GABRB2: variants seen among roughly 807,000 people sequenced by gnomAD.
GABRB2 encodes the protein gamma-aminobutyric acid receptor subunit beta-2.
In GABRB2, 16 loss-of-function variants were observed where a neutral mutation model predicts 54.7. That is an observed-to-expected ratio of 0.29 (90% CI 0.20 to 0.44). The LOEUF (loss-of-function observed/expected upper bound fraction) is 0.44, where lower values mean the gene tolerates loss of function less well. Ranked by LOEUF, GABRB2 falls within the 20% of genes least tolerant of loss-of-function variation. The pLI is 1.00. For missense variants in GABRB2, 355 were observed against 644.0 expected (o/e 0.55, Z 4.86); for synonymous variants, 244 against 233.8 (o/e 1.04, Z -0.40).
chr5:161,424,390 A>T (rs1217535646), intron 4 of GABRB2, among the ~76,000 whole-genome samples: 3 of 152,128 alleles, frequency 2.0e-5, no homozygotes, highest in African/African-American at 7.2e-5. Flanking sequence ...TTGTTAATGC[A>T]GGTGGTGACT....
intron 5 of GABRB2, among the ~76,000 whole-genome samples, chr5:161,410,671 A>G (rs1025659128): frequency 1.3e-5 from 2 of 152,174 alleles, no homozygotes; most frequent in Non-Finnish European, 1.5e-5. Context: ...GTTTGCACCA[A>G]TTCCATATTT....
intron 3 of GABRB2, among the ~76,000 whole-genome samples, chr5:161,463,143 A>G (rs1457066262): frequency 1.3e-5 from 2 of 152,048 alleles, no homozygotes; most frequent in African/African-American, 4.8e-5. Flanking sequence ...TTCTTCCACG[A>G]ATTACAACTA....
At chr5:161,518,984 C>T (rs1285176581) in intron 3 of GABRB2, among the ~76,000 whole-genome samples, 1 of 152,138 alleles carries the variant, frequency 6.6e-6, no homozygotes, top group African/African-American at 2.4e-5. Context: ...CTCACAACGA[C>T]CACCTTTTGA....
chr5:161,395,535 T>A (rs1188197252), intron 5 of GABRB2, among the ~76,000 whole-genome samples: 1 of 152,156 alleles, frequency 6.6e-6, no homozygotes, highest in Non-Finnish European at 1.5e-5. Flanking sequence ...AAGGCAGACA[T>A]TTATTATGAA....
chr5:161,505,121 T>TTTG (rs1554104972), intron 3 of GABRB2, among the ~76,000 whole-genome samples: 2 of 151,488 alleles, frequency 1.3e-5, no homozygotes, highest in Non-Finnish European at 2.9e-5. Context: ...TTTTTTTTTT[T>TTTG]TTTGTTTGTT....
intron 9 of GABRB2, among the ~76,000 whole-genome samples, chr5:161,309,529 T>C (rs1757796795): frequency 6.6e-6 from 1 of 152,152 alleles, no homozygotes; most frequent in Non-Finnish European, 1.5e-5. Context: ...ATGAGTGTAA[T>C]TTTTTATATT....
intron 9 of GABRB2, among the ~76,000 whole-genome samples, chr5:161,300,157 A>G (rs1218972872): frequency 6.6e-6 from 1 of 152,156 alleles, no homozygotes; most frequent in African/African-American, 2.4e-5. Flanking sequence ...GACCTTTTAC[A>G]TGTGTTTTAA....
At chr5:161,474,511 T>C (rs1341084038) in intron 3 of GABRB2, among the ~76,000 whole-genome samples, 7 of 151,996 alleles carry the variant, frequency 4.6e-5, no homozygotes, top group Admixed American at 4.6e-4. Flanking sequence ...TTCAGAATCA[T>C]TGCTATTTTC....
At chr5:161,321,209 C>A (rs1171118137) in intron 9 of GABRB2, among the ~76,000 whole-genome samples, 2 of 151,952 alleles carry the variant, frequency 1.3e-5, no homozygotes, top group Non-Finnish European at 2.9e-5. Context: ...TAATCTTTAA[C>A]TTCTGGATTC....
chr5:161,463,551 TTATTTATA>T (rs1174217786), intron 3 of GABRB2, among the ~76,000 whole-genome samples: 1,115 of 30,208 alleles, frequency 0.037, 91 homozygotes, highest in African/African-American at 0.11. Flanking sequence ...CCAAATATTT[TTATTTATA>T]TATATATATA....
At chr5:161,357,259 G>A (rs1299113205) in intron 5 of GABRB2, among the ~76,000 whole-genome samples, 1 of 152,104 alleles carries the variant, frequency 6.6e-6, no homozygotes, top group Non-Finnish European at 1.5e-5. Context: ...ATGGATGAAG[G>A]CCTCAGTTAT....
intron 4 of GABRB2, among the ~76,000 whole-genome samples, chr5:161,454,716 A>G (rs1394689079): frequency 6.6e-6 from 1 of 152,220 alleles, no homozygotes; most frequent in African/African-American, 2.4e-5. Context: ...GACTGGGTAG[A>G]AAATATTGAT....
In GABRB2 at chr5:161,381,276, T is replaced by C. The variant is rs188062885; in HGVS notation, c.541+29699A>G. Reference sequence around the variant, plus strand: ...GGACTACTGTTAATGTGTAACACACTGAGTATAACTCCTTAGATATATCAG... The same window carrying C: ...GGACTACTGTTAATGTGTAACACACCGAGTATAACTCCTTAGATATATCAG... On this transcript the variant is annotated intron_variant, in intron 5 of 9. Coordinates refer to ENST00000393959, the MANE Select transcript of GABRB2 (RefSeq NM_001371727.1). Among the ~76,000 whole-genome samples, 243 of 152,310 alleles carry C rather than the reference T, an allele frequency of 1.6e-3. 2 individuals are homozygous for C. The highest frequency in any genetic ancestry group is 1.0e-4 in the Non-Finnish European group (7 of 68,026).
intron 5 of GABRB2, among the ~76,000 whole-genome samples, chr5:161,409,663 G>A (rs1487107432): frequency 6.6e-6 from 1 of 152,048 alleles, no homozygotes; most frequent in African/African-American, 2.4e-5. Flanking sequence ...ATTCATGAGT[G>A]GTACATAGCA....
At chr5:161,400,210 G>A (rs1170309773) in intron 5 of GABRB2, among the ~76,000 whole-genome samples, 1 of 152,084 alleles carries the variant, frequency 6.6e-6, no homozygotes, top group African/African-American at 2.4e-5. Context: ...AAGGTGTGTG[G>A]GTGTATTTAC....
intron 9 of GABRB2, among the ~76,000 whole-genome samples, chr5:161,307,979 C>T (rs957694451): frequency 2.6e-5 from 4 of 151,802 alleles, no homozygotes; most frequent in African/African-American, 9.7e-5. Context: ...CTGCCTCAGC[C>T]TCCTGAGTAG....
chr5:161,503,685 G>A (rs904980896), intron 3 of GABRB2, among the ~76,000 whole-genome samples: 20 of 145,952 alleles, frequency 1.4e-4, no homozygotes, highest in Non-Finnish European at 2.2e-4. Context: ...CTCCCACCAG[G>A]GCAACAAGAG....
At chr5:161,418,868 T>C (rs1392028642) in intron 4 of GABRB2, among the ~76,000 whole-genome samples, 1 of 152,218 alleles carries the variant, frequency 6.6e-6, no homozygotes, top group Non-Finnish European at 1.5e-5. Context: ...GGCTCACACC[T>C]ATAATCCCAG....
intron 3 of GABRB2, among the ~76,000 whole-genome samples, chr5:161,497,163 G>T (rs34130545): frequency 0.015 from 2,234 of 152,208 alleles, 26 homozygotes; most frequent in Non-Finnish European, 0.023. Context: ...TTATGCTTTA[G>T]ATCAAGAATA....
Sources: gnomAD v4.1 joint callset for allele counts (sites outside exome capture counted in the v4.1 genomes callset) on GRCh38, gnomAD v4.1.1 for gene constraint, MANE v1.5 for transcripts, NCBI Gene and HGNC (gene_info 2026-07-23, HGNC 2026-07-21) for gene names.